ZCCHC7: variants seen among roughly 807,000 people sequenced by gnomAD.
ZCCHC7 encodes zinc finger CCHC-type containing 7.
A neutral mutation model predicts 52.0 loss-of-function variants in ZCCHC7; 35 were observed. The ratio of observed to expected loss-of-function variants is 0.67; its 90% CI spans 0.51 to 0.89. The LOEUF is 0.89. ZCCHC7 is among the 40% of genes least tolerant of loss of function. The pLI is 0.00. For missense variants in ZCCHC7, 574 were observed against 649.1 expected (o/e 0.88, Z 1.26); for synonymous variants, 217 against 221.5 (o/e 0.98, Z 0.18).
intron 2 of ZCCHC7, among the ~76,000 whole-genome samples, chr9:37,185,525 C>G (rs970726673): frequency 6.6e-6 from 1 of 152,178 alleles, no homozygotes; most frequent in Non-Finnish European, 1.5e-5. Context: ...AATTTCTTCT[C>G]TCAAGAGTTC....
intron 2 of ZCCHC7, among the ~76,000 whole-genome samples, chr9:37,230,112 C>A (rs750222440): frequency 9.2e-5 from 14 of 152,112 alleles, no homozygotes; most frequent in Non-Finnish European, 1.6e-4. Context: ...AAAATGACTT[C>A]TGGAATTCCT....
At chr9:37,330,808 CT>C (rs1830422947) in intron 6 of ZCCHC7, among the ~76,000 whole-genome samples, 2 of 151,622 alleles carry the variant, frequency 1.3e-5, no homozygotes, top group Non-Finnish European at 3.0e-5. Context: ...CCCCCACCCC[CT>C]GTCATTTCTA....
chr9:37,164,258 A>G (rs544727193), intron 2 of ZCCHC7, among the ~76,000 whole-genome samples: 52 of 152,248 alleles, frequency 3.4e-4, no homozygotes, highest in Non-Finnish European at 5.9e-4. Context: ...CCTGGCCAAA[A>G]TGGCAAAACC....
At chr9:37,281,872 G>A (rs1211945429) in intron 2 of ZCCHC7, among the ~76,000 whole-genome samples, 2 of 152,062 alleles carry the variant, frequency 1.3e-5, no homozygotes, top group Admixed American at 6.5e-5. Flanking sequence ...GACCTCCTTT[G>A]GTTTTTACAA....
chr9:37,180,050 AT>A (rs145925193), intron 2 of ZCCHC7, among the ~76,000 whole-genome samples: 8 of 152,080 alleles, frequency 5.3e-5, no homozygotes, highest in Middle Eastern at 6.8e-3. Context: ...CAAAATGGTT[AT>A]TTTTTTTCCC....
intron 2 of ZCCHC7, among the ~76,000 whole-genome samples, chr9:37,285,559 A>G (rs574527433): frequency 6.6e-6 from 1 of 152,136 alleles, no homozygotes; most frequent in South Asian, 2.1e-4. Flanking sequence ...CATTTGGCCT[A>G]TAATAGGCTA....
At chr9:37,314,896 G>A (rs558382520) in intron 5 of ZCCHC7, among the ~76,000 whole-genome samples, 1 of 152,018 alleles carries the variant, frequency 6.6e-6, no homozygotes, top group South Asian at 2.1e-4. Context: ...TTACTTATAG[G>A]GATCTGTTTG....
At chr9:37,182,994 A>G (rs779708688) in intron 2 of ZCCHC7, among the ~76,000 whole-genome samples, 8 of 152,174 alleles carry the variant, frequency 5.3e-5, no homozygotes, top group Non-Finnish European at 1.0e-4. Context: ...GAGACCCCCA[A>G]CTCTAAGCAG....
At chr9:37,317,842 G>A (rs1263368103) in intron 5 of ZCCHC7, among the ~76,000 whole-genome samples, 8 of 55,578 alleles carry the variant, frequency 1.4e-4, no homozygotes, top group East Asian at 5.3e-4. Flanking sequence ...CACTCCCCCC[G>A]ACCCCCCCCA....
chr9:37,174,678 C>A (rs1258207304), intron 2 of ZCCHC7, among the ~76,000 whole-genome samples: 1 of 152,028 alleles, frequency 6.6e-6, no homozygotes, highest in Non-Finnish European at 1.5e-5. Context: ...CTGATGGTAC[C>A]CTTCAGTAGA....
chr9:37,304,450 G>C, intron 4 of ZCCHC7, 137 bp downstream of exon 4: 1 of 999,098 alleles, frequency 1.0e-6, no homozygotes, highest in South Asian at 1.7e-5. Context: ...TCAGGAGATT[G>C]AGACCATCCT....
At chr9:37,268,486 G>A (rs1318825902) in intron 2 of ZCCHC7, among the ~76,000 whole-genome samples, 4 of 151,394 alleles carry the variant, frequency 2.6e-5, no homozygotes, top group African/African-American at 7.3e-5. Context: ...GAGTGCAGTG[G>A]CGCGATCTGG....
chr9:37,306,447 C>T (rs1186762995), intron 5 of ZCCHC7, among the ~76,000 whole-genome samples: 3 of 151,440 alleles, frequency 2.0e-5, no homozygotes, highest in African/African-American at 7.3e-5. Context: ...TATTTTGATG[C>T]TTCTTTTTTT....
chr9:37,167,842 C>T (rs7847215), intron 2 of ZCCHC7, among the ~76,000 whole-genome samples: 1 of 151,948 alleles, frequency 6.6e-6, no homozygotes, highest in Non-Finnish European at 1.5e-5. Context: ...TTTGCAGTCT[C>T]ACTGGTGGAA....
intron 2 of ZCCHC7, among the ~76,000 whole-genome samples, chr9:37,291,316 T>C (rs1828526568): frequency 6.6e-6 from 1 of 151,600 alleles, no homozygotes; most frequent in Non-Finnish European, 1.5e-5. Context: ...TTGGTAGATG[T>C]TTTTTCTAAA....
chr9:37,325,063 ACT>A (rs1372789690), intron 5 of ZCCHC7, among the ~76,000 whole-genome samples: 4 of 152,196 alleles, frequency 2.6e-5, no homozygotes, highest in Non-Finnish European at 5.9e-5. Context: ...CACAATATAA[ACT>A]CTCAATTCAT....
chr9:37,133,376 C>CT (rs778044762), intron 2 of ZCCHC7, among the ~76,000 whole-genome samples: 2,041 of 134,476 alleles, frequency 0.015, 48 homozygotes, highest in African/African-American at 0.048. Flanking sequence ...GGAATATTTT[C>CT]TTTTTTTTTT....
intron 2 of ZCCHC7, among the ~76,000 whole-genome samples, chr9:37,259,479 C>T (rs1288768450): frequency 6.6e-6 from 1 of 152,016 alleles, no homozygotes; most frequent in Non-Finnish European, 1.5e-5. Flanking sequence ...TTGGCAAATG[C>T]AAGATTACAA....
intron 2 of ZCCHC7, among the ~76,000 whole-genome samples, chr9:37,145,921 A>G (rs117196113): frequency 5.2e-3 from 797 of 152,050 alleles, no homozygotes; most frequent in Non-Finnish European, 8.2e-3. Context: ...ATTATCTTGG[A>G]CAGTAGGTCT....
Sources: allele counts gnomAD v4.1 joint callset (sites outside exome capture counted in the v4.1 genomes callset), GRCh38; gene constraint gnomAD v4.1.1; transcripts MANE v1.5; gene names NCBI Gene and HGNC (gene_info 2026-07-23, HGNC 2026-07-21).